The following MRTFB variants were observed in gnomAD, a reference collection of about 807,000 sequenced individuals.
MRTFB encodes myocardin related transcription factor B, also known as myocardin-related transcription factor B.
In MRTFB, 29 loss-of-function variants were observed where a neutral mutation model predicts 104.2. The observed-to-expected ratio is 0.28, with a 90% CI of 0.21 to 0.38. The LOEUF is 0.38. Among genes scored for constraint, MRTFB ranks in the 10% least tolerant of loss-of-function variants. The pLI is 1.00. For missense variants in MRTFB, 1,270 were observed against 1,341.6 expected, an observed-to-expected ratio of 0.95 and a Z score of 0.83; for synonymous variants, 535 against 519.5, an observed-to-expected ratio of 1.03 and a Z score of -0.41.
chr16:14,053,211 C>A, the MRTFB span, among the ~76,000 whole-genome samples: 1 of 152,056 alleles, frequency 6.6e-6, no homozygotes, highest in Admixed American at 6.6e-5. Context: ...TAGGCACAAA[C>A]CACTGTGCCC....
Position 14,252,373 on chromosome 16 carries a change from A to AC in MRTFB, c.2579dup (p.Pro861AlafsTer26). The AC allele has an allele frequency of 6.2e-7, 1 of 1,611,114 alleles. No homozygotes were observed. The highest frequency in any genetic ancestry group is 8.5e-7 in the Non-Finnish European group (1 of 1,178,620). ...TCCTTTATTTGACACAGCCTAGTTC[A>AC]CCCCCGCCACCCCAGCAATTTGTCG... On this transcript the variant is annotated frameshift_variant, in exon 15 of 17. Transcript: ENST00000571589. LOFTEE classifies it high-confidence loss of function.
At chr16:14,228,699 A>C (rs2042120533) in intron 8 of MRTFB, among the ~76,000 whole-genome samples, 1 of 152,262 alleles carries the variant, frequency 6.6e-6, no homozygotes, top group East Asian at 1.9e-4. Context: ...ATGAATGGAT[A>C]AACAAAATGT....
the MRTFB span, among the ~76,000 whole-genome samples, chr16:14,030,282 G>A: frequency 6.6e-6 from 1 of 152,240 alleles, no homozygotes; most frequent in South Asian, 2.1e-4. Context: ...GCACAAACAG[G>A]GGCAAAGCAG....
intron 3 of MRTFB, among the ~76,000 whole-genome samples, chr16:14,207,882 T>C (rs2041019755): frequency 6.6e-6 from 1 of 152,220 alleles, no homozygotes; most frequent in African/African-American, 2.4e-5. Context: ...GTCAGAAGTC[T>C]GAGTGGCTTG....
At chr16:14,006,470 G>A in the MRTFB span, among the ~76,000 whole-genome samples, 3 of 151,634 alleles carry the variant, frequency 2.0e-5, no homozygotes, top group South Asian at 2.1e-4. Context: ...CTGAGATCAC[G>A]CCACTGCACT....
chr16:14,180,744 C>T (rs528801881), intron 3 of MRTFB, among the ~76,000 whole-genome samples: 32 of 152,342 alleles, frequency 2.1e-4, no homozygotes, highest in African/African-American at 7.5e-4. Context: ...GAAATTCCAA[C>T]CCTGAAAAGC....
intron 3 of MRTFB, among the ~76,000 whole-genome samples, chr16:14,161,408 A>C (rs2142903605): frequency 6.6e-6 from 1 of 152,300 alleles, no homozygotes; most frequent in South Asian, 2.1e-4. Flanking sequence ...ATGGTTCTAG[A>C]TTAGTTGGAT....
the MRTFB span, among the ~76,000 whole-genome samples, chr16:14,062,423 A>G: frequency 1.3e-5 from 2 of 152,174 alleles, no homozygotes; most frequent in East Asian, 3.9e-4. Flanking sequence ...CATCTGTGCC[A>G]TGCATGCCCT....
At chr16:14,186,886 A>C (rs748979079) in intron 3 of MRTFB, 6 of 1,597,896 alleles carry the variant, frequency 3.8e-6, no homozygotes, top group Non-Finnish European at 5.1e-6. Flanking sequence ...CTCCTGCTTG[A>C]TGCTGCCTGT....
chr16:14,109,353 GT>G (rs1213830847), intron 2 of MRTFB, among the ~76,000 whole-genome samples: 92 of 152,162 alleles, frequency 6.0e-4, no homozygotes, highest in African/African-American at 2.2e-3. Flanking sequence ...GATGTACTCA[GT>G]TTAAGTTTCT....
chr16:14,045,849 G>A, the MRTFB span, among the ~76,000 whole-genome samples: 5 of 152,330 alleles, frequency 3.3e-5, no homozygotes, highest in South Asian at 1.0e-3. Flanking sequence ...CTGAATAAAA[G>A]TGAGGTTTTT....
At chr16:14,123,113 C>T (rs1212780013) in intron 2 of MRTFB, among the ~76,000 whole-genome samples, 2 of 152,120 alleles carry the variant, frequency 1.3e-5, no homozygotes, top group African/African-American at 4.8e-5. Flanking sequence ...CGGTTCACAC[C>T]CTTTGCTCAC....
intron 2 of MRTFB, among the ~76,000 whole-genome samples, chr16:14,110,416 G>A (rs1402831676): frequency 6.6e-6 from 1 of 152,202 alleles, no homozygotes; most frequent in Non-Finnish European, 1.5e-5. Context: ...AGGGAGGTAG[G>A]GTTCTAGTGC....
At chr16:14,201,617 G>A (rs181104845) in intron 3 of MRTFB, among the ~76,000 whole-genome samples, 43 of 152,202 alleles carry the variant, frequency 2.8e-4, no homozygotes, top group Admixed American at 1.7e-3. Context: ...TGGAATCATC[G>A]TAGTTTAAGG....
rs550789001 is a variant in MRTFB at position 14,144,996 on chromosome 16, G to GTA, written c.154+4251_154+4252dup. On this transcript the variant is annotated intron_variant, in intron 3 of 16. Coordinates refer to ENST00000571589, the MANE Select transcript of MRTFB (RefSeq NM_001308142.2). ...TATATACATACATATATATATATAT[G>GTA]TATATATATATATATAACTTTTGTC... Among the ~76,000 whole-genome samples the GTA allele has an allele frequency of 4.5e-3, 468 of 103,384 alleles. 1 individual carries two copies. Among genetic ancestry groups the GTA allele is most frequent in the African/African-American group, 0.018 (275 of 14,912 alleles). 67.8% of individuals were successfully genotyped at this position (103,384 alleles called of 152,430 possible).
At chr16:14,179,535 C>T (rs769986708) in intron 3 of MRTFB, among the ~76,000 whole-genome samples, 9 of 152,236 alleles carry the variant, frequency 5.9e-5, no homozygotes, top group South Asian at 2.1e-4. Flanking sequence ...TCTTCGGACT[C>T]GGGAAATTTA....
At chr16:14,194,415 AG>A (rs1478474444) in intron 3 of MRTFB, among the ~76,000 whole-genome samples, 1 of 152,252 alleles carries the variant, frequency 6.6e-6, no homozygotes, top group Middle Eastern at 3.2e-3. Context: ...CTGTCAGATC[AG>A]GGTCCCAACC....
intron 3 of MRTFB, among the ~76,000 whole-genome samples, chr16:14,185,539 C>A (rs1371975960): frequency 6.6e-6 from 1 of 152,110 alleles, no homozygotes; most frequent in Non-Finnish European, 1.5e-5. Context: ...TGACCCAGGA[C>A]TTCTTTAGAA....
chr16:14,243,504 C>T (rs911967832), intron 10 of MRTFB, among the ~76,000 whole-genome samples: 5 of 152,130 alleles, frequency 3.3e-5, no homozygotes, highest in South Asian at 4.1e-4. Context: ...ATCGGCTGTA[C>T]GGTAGCAACC....
Sources: allele counts gnomAD v4.1 joint callset (sites outside exome capture counted in the v4.1 genomes callset), GRCh38; gene constraint gnomAD v4.1.1; transcripts MANE v1.5; gene names NCBI Gene and HGNC (gene_info 2026-07-23, HGNC 2026-07-21).